Variants in SCP2 observed in about 807,000 individuals in gnomAD.
SCP2 encodes the protein sterol carrier protein 2, also known as SCP-2/3-oxoacyl-CoA thiolase.
A neutral mutation model predicts 71.4 loss-of-function variants in SCP2; 48 were observed. That is an observed-to-expected ratio of 0.67 (90% CI 0.53 to 0.86). SCP2 has a LOEUF of 0.86. Ranked by LOEUF, SCP2 falls within the 40% of genes least tolerant of loss-of-function variation. The probability of loss-of-function intolerance (pLI) is 0.00; values close to 1 mark genes in which losing one functional copy is unlikely to be tolerated. For missense variants in SCP2, 560 were observed against 655.6 expected, an observed-to-expected ratio of 0.85 and a Z score of 1.59; for synonymous variants, 220 against 218.1, an observed-to-expected ratio of 1.01 and a Z score of -0.08.
At chr1:52,980,606 C>T (rs541146843) in intron 10 of SCP2, 63 bp downstream of exon 10, 46 of 1,458,696 alleles carry the variant, frequency 3.2e-5, no homozygotes, top group Middle Eastern at 3.5e-4. Flanking sequence ...TCACTTTGAC[C>T]GTTAGATAAA....
At chr1:52,991,593 G>A (rs1226479037) in intron 11 of SCP2, among the ~76,000 whole-genome samples, 2 of 151,960 alleles carry the variant, frequency 1.3e-5, no homozygotes, top group Non-Finnish European at 2.9e-5. Flanking sequence ...TGGAGACAGG[G>A]TTTCACCAGG....
At chr1:53,035,276 T>C (rs866680128) in intron 13 of SCP2, among the ~76,000 whole-genome samples, 1 of 152,110 alleles carries the variant, frequency 6.6e-6, no homozygotes, top group Non-Finnish European at 1.5e-5. Flanking sequence ...TAGTATATTT[T>C]CTATATATTT....
intron 2 of SCP2, among the ~76,000 whole-genome samples, chr1:52,946,211 G>A (rs541469001): frequency 6.6e-6 from 1 of 152,006 alleles, no homozygotes; most frequent in African/African-American, 2.4e-5. Flanking sequence ...TTACAGGCAT[G>A]AGCCACTATG....
At chr1:52,994,531 A>G (rs932782918) in intron 11 of SCP2, 1 of 206,492 alleles carries the variant, frequency 4.8e-6, no homozygotes, top group African/African-American at 2.4e-5. Flanking sequence ...TAAAATTTAG[A>G]TCTAATTTTT....
intron 11 of SCP2, among the ~76,000 whole-genome samples, chr1:52,989,350 A>G (rs1659269640): frequency 6.6e-6 from 1 of 152,196 alleles, no homozygotes; most frequent in Non-Finnish European, 1.5e-5. Flanking sequence ...CAGATTTACA[A>G]CAATCTGTTG....
rs59803095 is a variant in SCP2, at chr1:52,989,778, C to CAA, written c.1081+1649_1081+1650dup. On this transcript the variant is annotated intron_variant, in intron 11 of 15. Coordinates refer to ENST00000371514, the MANE Select transcript of SCP2 (RefSeq NM_002979.5). ...CAATTGGGGTAAACAACAAAATAAC[C>CAA]AAAAAAAAGGAAAAGTTGGGGAGTA... 3.8e-3 allele frequency among the ~76,000 whole-genome samples: 578 copies of CAA among 151,518 alleles called. 5 individuals carry two copies. Among genetic ancestry groups the CAA allele is most frequent in the Middle Eastern group, 0.01 (3 of 294 alleles).
intron 1 of SCP2, chr1:52,934,890 C>T (rs1312185574): frequency 1.3e-5 from 2 of 149,514 alleles, no homozygotes; most frequent in Non-Finnish European, 3.0e-5. Flanking sequence ...TGGTCTCGAT[C>T]TCCTGACCTC....
chr1:52,989,291 C>G (rs567196316), intron 11 of SCP2, among the ~76,000 whole-genome samples: 22 of 152,328 alleles, frequency 1.4e-4, no homozygotes, highest in Admixed American at 1.0e-3. Context: ...TCGGAGAACT[C>G]TGGCAAAAAT....
intron 4 of SCP2, among the ~76,000 whole-genome samples, chr1:52,951,905 G>C (rs1337387133): frequency 6.6e-6 from 1 of 151,926 alleles, no homozygotes; most frequent in Non-Finnish European, 1.5e-5. Flanking sequence ...TTTTAATAGA[G>C]ACGGGGTTTC....
At position 52,948,122 on chromosome 1, in the gene SCP2, T is replaced by G. The variant is rs375345476; in HGVS notation, c.199+42T>G. 3.2e-5 allele frequency: 39 copies of G among 1,232,144 alleles called. No homozygotes were observed. The African/African-American group carries it at 5.5e-4, about 17-fold the overall frequency. 76.3% of individuals were successfully genotyped at this position (1,232,144 alleles called of 1,614,324 possible). ...GTATTCTAAAATTTTTTTACCTAAA[T>G]CTAGCAGCAACTATACAAACAATGC... On this transcript the variant is annotated intron_variant, in intron 3 of 15. Coordinates refer to ENST00000371514, the MANE Select transcript of SCP2 (RefSeq NM_002979.5).
chr1:52,983,248 C>G (rs1658691008), intron 10 of SCP2, among the ~76,000 whole-genome samples: 1 of 152,140 alleles, frequency 6.6e-6, no homozygotes, highest in Admixed American at 6.6e-5. Context: ...TTTTCTCTAG[C>G]TATTCTCAAG....
At chr1:52,932,305 G>A (rs1653231013) in intron 1 of SCP2, among the ~76,000 whole-genome samples, 1 of 152,150 alleles carries the variant, frequency 6.6e-6, no homozygotes, top group Non-Finnish European at 1.5e-5. Context: ...AGAAACCTTG[G>A]ATGCTACAAA....
intron 2 of SCP2, among the ~76,000 whole-genome samples, chr1:52,945,532 A>C (rs1442813662): frequency 6.6e-6 from 1 of 152,052 alleles, no homozygotes; most frequent in Admixed American, 6.6e-5. Context: ...TGAAAACTCC[A>C]TCTCTACTAA....
chr1:53,050,763 C>T lies in SCP2; in HGVS notation c.*59C>T. Reference sequence around the variant, plus strand: ...TGAGATATATAGATATATATCCATACATTTTATTGTCAGAATTTAGACTGA... The same window carrying T: ...TGAGATATATAGATATATATCCATATATTTTATTGTCAGAATTTAGACTGA... On this transcript the variant is annotated 3_prime_UTR_variant, in exon 16 of 16. Coordinates refer to ENST00000371514, the MANE Select transcript of SCP2 (RefSeq NM_002979.5). The T allele has an allele frequency of 8.7e-7, 1 of 1,146,240 alleles. No homozygotes were observed. The highest frequency in any genetic ancestry group is 1.3e-6 in the Non-Finnish European group (1 of 758,158). 71.0% of individuals were successfully genotyped at this position (1,146,240 alleles called of 1,614,324 possible). A position where few individuals can be genotyped will look rare whatever the true frequency, so the allele number is the denominator to read the frequency against.
chr1:53,027,633 T>C (rs994783145), intron 12 of SCP2, among the ~76,000 whole-genome samples: 64 of 152,310 alleles, frequency 4.2e-4, no homozygotes, highest in African/African-American at 1.5e-3. Flanking sequence ...GCCTCCTGAG[T>C]TGCTGGGATT....
intron 6 of SCP2, 78 bp downstream of exon 6, chr1:52,961,707 G>T: frequency 2.4e-6 from 3 of 1,250,770 alleles, no homozygotes; most frequent in Non-Finnish European, 3.5e-6. Flanking sequence ...ATTTATTAAG[G>T]AACTGTGGAG....
In SCP2 at chr1:52,958,800, C is replaced by T. The variant is rs910207039; in HGVS notation, c.397-2703C>T. Reference sequence around the variant, plus strand: ...AAGCTCCTGGGCTCGAGCAATCCTCCCGCCTGGGCCTCCCAAAGTGTTGGG... The same window carrying T: ...AAGCTCCTGGGCTCGAGCAATCCTCTCGCCTGGGCCTCCCAAAGTGTTGGG... On this transcript the variant is annotated intron_variant, in intron 5 of 15. Transcript: ENST00000371514. Among the ~76,000 whole-genome samples the T allele has an allele frequency of 4.6e-5, 7 of 152,278 alleles. No homozygotes were observed. The South Asian group carries it at 1.5e-3, about 32-fold the overall frequency.
intron 13 of SCP2, among the ~76,000 whole-genome samples, chr1:53,029,286 C>CA (rs1252428331): frequency 7.3e-6 from 1 of 137,316 alleles, no homozygotes; most frequent in Non-Finnish European, 1.6e-5. Flanking sequence ...TTTTTTGAAA[C>CA]AGAGTCTCAC....
At position 52,988,030 on chromosome 1, in the gene SCP2, A is replaced by G. The variant is rs1659152208; in HGVS notation, c.975A>G (p.Gly325=). ...TYEALGLCPE[G]QGATLVDRGD... The stretch of plus-strand genomic sequence containing the variant: ...TGAATACTATTTTTTCTTCTATAGG[A>G]CAAGGTGCAACGCTGGTTGATAGAG... The change falls in exon 11 of 16, where the codon GGA becomes GGG. Residue 325 remains glycine, a splice_region_variant and synonymous_variant. Transcript: ENST00000371514. 1.3e-6 allele frequency: 2 copies of G among 1,505,310 alleles called. No homozygotes were observed. The highest frequency in any genetic ancestry group is 2.3e-5 in the East Asian group (1 of 44,272). The allele number at this position is 1,505,310 out of a possible 1,614,324, so 93.2% of individuals were successfully genotyped here.
Sources: allele counts gnomAD v4.1 joint callset (sites outside exome capture counted in the v4.1 genomes callset), GRCh38; gene constraint gnomAD v4.1.1; transcripts MANE v1.5; gene names NCBI Gene and HGNC (gene_info 2026-07-23, HGNC 2026-07-21).